Variants in SOX6 observed in about 807,000 individuals in gnomAD.
SOX6 encodes SRY-box transcription factor 6, also known as transcription factor SOX-6.
In SOX6, 11 loss-of-function variants were observed where a neutral mutation model predicts 97.8. The ratio of observed to expected loss-of-function variants is 0.11; its 90% CI spans 0.07 to 0.19. SOX6 has a LOEUF of 0.19. Ranked by LOEUF, SOX6 falls within the 10% of genes least tolerant of loss-of-function variation. The probability of loss-of-function intolerance (pLI) is 1.00; values close to 1 mark genes in which losing one functional copy is unlikely to be tolerated. For missense variants in SOX6, 810 were observed against 1,039.5 expected, an observed-to-expected ratio of 0.78 and a Z score of 3.04; for synonymous variants, 360 against 371.4, an observed-to-expected ratio of 0.97 and a Z score of 0.35.
intron 1 of SOX6, among the ~76,000 whole-genome samples, chr11:16,345,624 T>C (rs1481943096): frequency 6.6e-6 from 1 of 152,060 alleles, no homozygotes; most frequent in Non-Finnish European, 1.5e-5. Flanking sequence ...TCTGCAACAA[T>C]AAATCAAAAT....
At chr11:16,449,209 T>G (rs1012742589) in intron 1 of SOX6, among the ~76,000 whole-genome samples, 8 of 150,774 alleles carry the variant, frequency 5.3e-5, no homozygotes, top group East Asian at 1.9e-4. Flanking sequence ...TGAGGCATGT[T>G]GAACGAGCAG....
intron 2 of SOX6, among the ~76,000 whole-genome samples, chr11:16,729,128 G>A (rs1848329494): frequency 6.6e-6 from 1 of 152,178 alleles, no homozygotes; most frequent in Non-Finnish European, 1.5e-5. Context: ...AAGTGATGGG[G>A]AGAATGGAAC....
chr11:16,442,407 A>G (rs942785031), intron 1 of SOX6, among the ~76,000 whole-genome samples: 11 of 152,210 alleles, frequency 7.2e-5, no homozygotes, highest in African/African-American at 2.4e-4. Flanking sequence ...TAAAGCCTTA[A>G]AAGTATATAT....
intron 12 of SOX6, among the ~76,000 whole-genome samples, chr11:16,042,823 G>T (rs911129019): frequency 6.6e-6 from 1 of 152,138 alleles, no homozygotes; most frequent in Non-Finnish European, 1.5e-5. Context: ...TTTTTCTCAA[G>T]TGATTCCCAG....
At chr11:16,122,266 T>C (rs1261063878) in intron 6 of SOX6, among the ~76,000 whole-genome samples, 5 of 152,028 alleles carry the variant, frequency 3.3e-5, no homozygotes, top group African/African-American at 1.2e-4. Context: ...CACAGAAGAC[T>C]GAGCTAGTCA....
chr11:16,711,755 G>A (rs1848182545), intron 3 of SOX6, among the ~76,000 whole-genome samples: 2 of 151,766 alleles, frequency 1.3e-5, no homozygotes, highest in South Asian at 4.2e-4. Context: ...GGGTACAGGT[G>A]GTATTTGGTT....
At chr11:16,068,480 A>G (rs1471892688) in intron 9 of SOX6, among the ~76,000 whole-genome samples, 6 of 152,250 alleles carry the variant, frequency 3.9e-5, no homozygotes, top group Non-Finnish European at 7.3e-5. Context: ...CAATGTCAAC[A>G]AAATGATCTA....
intron 6 of SOX6, among the ~76,000 whole-genome samples, chr11:16,171,090 C>A (rs1423361373): frequency 6.6e-6 from 1 of 152,010 alleles, no homozygotes; most frequent in East Asian, 1.9e-4. Flanking sequence ...GCATGTAGAG[C>A]AAACTTACCA....
chr11:16,206,907 C>G (rs1402020672), intron 4 of SOX6, among the ~76,000 whole-genome samples: 1 of 152,132 alleles, frequency 6.6e-6, no homozygotes, highest in Non-Finnish European at 1.5e-5. Flanking sequence ...TGAGTTTAAA[C>G]TCTTCAAAGG....
At chr11:16,294,299 T>G (rs1193875276) in intron 3 of SOX6, among the ~76,000 whole-genome samples, 1 of 152,078 alleles carries the variant, frequency 6.6e-6, no homozygotes, top group Non-Finnish European at 1.5e-5. Context: ...TATCAGGAAT[T>G]ATTATTTTTA....
chr11:16,469,562 C>A (rs751749598), intron 1 of SOX6, among the ~76,000 whole-genome samples: 17 of 152,116 alleles, frequency 1.1e-4, no homozygotes, highest in South Asian at 8.3e-4. Flanking sequence ...ACTGGAAAAA[C>A]CAGAATTCCT....
At chr11:16,577,711 C>T (rs1384670575) in intron 4 of SOX6, among the ~76,000 whole-genome samples, 1 of 152,036 alleles carries the variant, frequency 6.6e-6, no homozygotes, top group Non-Finnish European at 1.5e-5. Context: ...TGCTTATTGT[C>T]CATTTGTAAA....
chr11:15,986,518 G>A (rs1031794280), intron 14 of SOX6, 98 bp from the exon 15 acceptor site: 2 of 1,150,154 alleles, frequency 1.7e-6, no homozygotes, highest in Non-Finnish European at 1.3e-6. Flanking sequence ...ACTCATCTGT[G>A]CGCTGGGTGG....
At chr11:16,554,080 A>G (rs1847721717) in intron 4 of SOX6, among the ~76,000 whole-genome samples, 1 of 152,138 alleles carries the variant, frequency 6.6e-6, no homozygotes, top group Admixed American at 6.6e-5. Flanking sequence ...AGAAAAGATA[A>G]TAAATATGGT....
intron 4 of SOX6, among the ~76,000 whole-genome samples, chr11:16,608,345 G>C (rs1327729941): frequency 3.3e-5 from 5 of 152,178 alleles, no homozygotes; most frequent in Non-Finnish European, 7.3e-5. Flanking sequence ...GAAGTACTAA[G>C]AGATAGAACT....
At chr11:16,704,365 A>C (rs1848116101) in intron 3 of SOX6, among the ~76,000 whole-genome samples, 1 of 152,220 alleles carries the variant, frequency 6.6e-6, no homozygotes, top group Non-Finnish European at 1.5e-5. Context: ...AATGCAAAAG[A>C]CCAAATGGAT....
intron 4 of SOX6, among the ~76,000 whole-genome samples, chr11:16,559,479 G>A (rs944014750): frequency 6.6e-6 from 1 of 152,174 alleles, no homozygotes; most frequent in East Asian, 1.9e-4. Flanking sequence ...AGTGACCTTT[G>A]ATTGGAACCA....
intron 3 of SOX6, among the ~76,000 whole-genome samples, chr11:16,648,725 CCA>C (rs1271604557): frequency 6.6e-6 from 1 of 152,094 alleles, no homozygotes; most frequent in African/African-American, 2.4e-5. Context: ...GGGTTCTATA[CCA>C]CCCCCAAAAG....
chr11:16,366,736 A>G (rs1361741198), intron 1 of SOX6, among the ~76,000 whole-genome samples: 1 of 151,850 alleles, frequency 6.6e-6, no homozygotes, highest in Admixed American at 6.6e-5. Flanking sequence ...TCTTACATAC[A>G]TCAGTACCAC....
Sources: allele counts gnomAD v4.1 joint callset (sites outside exome capture counted in the v4.1 genomes callset), GRCh38; gene constraint gnomAD v4.1.1; transcripts MANE v1.5; gene names NCBI Gene and HGNC (gene_info 2026-07-23, HGNC 2026-07-21).